SPACA7: variants seen among roughly 807,000 people sequenced by gnomAD.
SPACA7 encodes sperm acrosome associated 7, also known as sperm acrosome-associated protein 7.
SPACA7 carries 19 observed loss-of-function variants against 26.3 expected under a neutral mutation model. That is an observed-to-expected ratio of 0.72 (90% CI 0.50 to 1.06). The LOEUF (loss-of-function observed/expected upper bound fraction) is 1.06, where lower values mean the gene tolerates loss of function less well. SPACA7 is among the 50% of genes least tolerant of loss of function. The pLI is 0.00. For synonymous variants in SPACA7, 84 were observed against 84.5 expected, an observed-to-expected ratio of 0.99 and a Z score of 0.04; for missense variants, 211 against 229.9, an observed-to-expected ratio of 0.92 and a Z score of 0.53.
At chr13:112,387,419 A>G (rs1484359480) in intron 1 of SPACA7, among the ~76,000 whole-genome samples, 1 of 152,262 alleles carries the variant, frequency 6.6e-6, no homozygotes. Context: ...CCCACATTCT[A>G]TCCTGTGATA....
chr13:112,397,693 G>A (rs7334061), intron 2 of SPACA7, among the ~76,000 whole-genome samples: 12,337 of 152,208 alleles, frequency 0.081, 1,071 homozygotes, highest in East Asian at 0.28. Context: ...ACTCACACAC[G>A]GAGGGCAGCT....
chr13:112,381,591 C>A (rs901477481), intron 1 of SPACA7, among the ~76,000 whole-genome samples: 1 of 152,044 alleles, frequency 6.6e-6, no homozygotes, highest in African/African-American at 2.4e-5. Flanking sequence ...GACAGGGGAA[C>A]TGCGATAGAG....
chr13:112,399,070 T>C lies in SPACA7; in HGVS notation c.246T>C (p.Ala82=), dbSNP rs1885467363. The C allele has an allele frequency of 2.5e-6, 4 of 1,589,602 alleles. No individual in the cohort carries two copies. The highest frequency in any genetic ancestry group is 3.5e-6 in the Non-Finnish European group (4 of 1,159,020). Residue 82 remains alanine, a synonymous_variant, in exon 4 of 7, where the codon GCT becomes GCC. Transcript: ENST00000283550. ...TASTLSTPLH[A]GIDENYQAGG... The stretch of plus-strand genomic sequence containing the variant: ...TTTCCATGTTCTTCATTGAAGATGC[T>C]GGTATTGATGAGAATTATCAAGCTG...
At chr13:112,432,639 C>A (rs1391580546) in intron 6 of SPACA7, 118 bp downstream of exon 6, 4 of 712,264 alleles carry the variant, frequency 5.6e-6, no homozygotes, top group Non-Finnish European at 9.8e-6. Context: ...CCCAGGTGGA[C>A]CTACCTGAGC....
intron 5 of SPACA7, among the ~76,000 whole-genome samples, chr13:112,403,121 T>C (rs1250553660): frequency 6.6e-6 from 1 of 152,176 alleles, no homozygotes; most frequent in Non-Finnish European, 1.5e-5. Context: ...TTCCTGGTGC[T>C]TTTTCTGGGG....
chr13:112,424,432 T>C (rs1367502809), intron 5 of SPACA7, among the ~76,000 whole-genome samples: 1 of 152,144 alleles, frequency 6.6e-6, no homozygotes, highest in African/African-American at 2.4e-5. Context: ...AGGGAGGATC[T>C]GGATGATCTA....
rs200202993 is a variant in SPACA7, at chr13:112,422,049, C to CA, written c.446-10392dup. Among the ~76,000 whole-genome samples, 1,118 of 151,172 alleles carry CA rather than the reference C, an allele frequency of 7.4e-3. 16 individuals carry two copies. Among genetic ancestry groups the CA allele is most frequent in the African/African-American group, 0.026 (1,066 of 40,888 alleles). Reference sequence around the variant, plus strand: ...CTGGATGATGAAATAATCTGTACAACAAACCTGGTGACACACTTTAAAACT... The same window carrying CA: ...CTGGATGATGAAATAATCTGTACAACAAAACCTGGTGACACACTTTAAAACT... On this transcript the variant is annotated intron_variant, in intron 5 of 6. Coordinates refer to ENST00000283550, the MANE Select transcript of SPACA7 (RefSeq NM_145248.5).
At chr13:112,404,597 C>G (rs1231588312) in intron 5 of SPACA7, among the ~76,000 whole-genome samples, 3 of 152,152 alleles carry the variant, frequency 2.0e-5, no homozygotes, top group African/African-American at 7.2e-5. Context: ...TTTGTATAAG[C>G]TGAGAGACAA....
chr13:112,391,571 G>A (rs549616893), intron 1 of SPACA7, among the ~76,000 whole-genome samples: 4 of 152,294 alleles, frequency 2.6e-5, no homozygotes, highest in African/African-American at 9.6e-5. Context: ...ACAATTACAT[G>A]GCGTGCGGCA....
At chr13:112,401,512 G>C (rs1219726543) in intron 5 of SPACA7, among the ~76,000 whole-genome samples, 1 of 152,154 alleles carries the variant, frequency 6.6e-6, no homozygotes, top group East Asian at 1.9e-4. Context: ...ATGATAGATA[G>C]ACAGATAGAT....
intron 5 of SPACA7, among the ~76,000 whole-genome samples, chr13:112,403,393 T>C (rs1885769318): frequency 6.6e-6 from 1 of 152,250 alleles, no homozygotes; most frequent in Non-Finnish European, 1.5e-5. Flanking sequence ...GCCAGTGATC[T>C]GTCTGGTTTA....
intron 5 of SPACA7, 91 bp downstream of exon 5, chr13:112,401,255 TG>T: frequency 1.1e-6 from 1 of 884,046 alleles, no homozygotes; most frequent in Admixed American, 2.1e-5. Flanking sequence ...CTCGCCAGTA[TG>T]CCTTGTTATG....
At chr13:112,380,102 C>T (rs1883948433) in intron 1 of SPACA7, among the ~76,000 whole-genome samples, 1 of 152,154 alleles carries the variant, frequency 6.6e-6, no homozygotes, top group African/African-American at 2.4e-5. Flanking sequence ...GAAACAAGTA[C>T]CTCTTACAAT....
intron 5 of SPACA7, among the ~76,000 whole-genome samples, chr13:112,411,161 T>C (rs569383768): frequency 2.0e-4 from 29 of 148,178 alleles, no homozygotes; most frequent in Admixed American, 1.3e-3. Context: ...ATATTCCTGT[T>C]CTTTAAATTA....
At chr13:112,424,153 C>A (rs1258993963) in intron 5 of SPACA7, among the ~76,000 whole-genome samples, 5 of 152,226 alleles carry the variant, frequency 3.3e-5, no homozygotes, top group East Asian at 1.9e-4. Flanking sequence ...AGCGGAGCAG[C>A]CCCTACCCGC....
chr13:112,377,429 G>A (rs1883766207), intron 1 of SPACA7, among the ~76,000 whole-genome samples: 2 of 152,108 alleles, frequency 1.3e-5, no homozygotes, highest in South Asian at 2.1e-4. Context: ...TTCTAACTTG[G>A]AAGAATATCA....
intron 5 of SPACA7, among the ~76,000 whole-genome samples, chr13:112,423,595 G>A (rs1161753786): frequency 1.3e-5 from 2 of 152,190 alleles, no homozygotes; most frequent in Non-Finnish European, 2.9e-5. Flanking sequence ...TAAAAGGTAA[G>A]AACCAACATC....
At chr13:112,421,611 A>G (rs1875990022) in intron 5 of SPACA7, among the ~76,000 whole-genome samples, 1 of 152,228 alleles carries the variant, frequency 6.6e-6, no homozygotes, top group South Asian at 2.1e-4. Context: ...CAAGGGCCAA[A>G]TATAAATATA....
chr13:112,413,680 C>G (rs1886498963), intron 5 of SPACA7, among the ~76,000 whole-genome samples: 1 of 152,082 alleles, frequency 6.6e-6, no homozygotes, highest in Admixed American at 6.6e-5. Context: ...CTTTCTACTC[C>G]TATATTTTTC....
Sources: allele counts gnomAD v4.1 joint callset (sites outside exome capture counted in the v4.1 genomes callset), GRCh38; gene constraint gnomAD v4.1.1; transcripts MANE v1.5; gene names NCBI Gene and HGNC (gene_info 2026-07-23, HGNC 2026-07-21).